Variants in DSCAM observed in about 807,000 individuals in gnomAD.
DSCAM encodes cell adhesion molecule DSCAM.
In DSCAM, 47 loss-of-function variants were observed where a neutral mutation model predicts 217.7. That is an observed-to-expected ratio of 0.22 (90% CI 0.17 to 0.28). DSCAM has a LOEUF of 0.28. DSCAM is among the 10% of genes least tolerant of loss of function. The pLI is 1.00. For synonymous variants in DSCAM, 1,056 were observed against 1,015.3 expected (o/e 1.04, Z -0.76); for missense variants, 2,080 against 2,618.3 (o/e 0.79, Z 4.49).
At chr21:40,268,046 G>A (rs892205569) in intron 11 of DSCAM, among the ~76,000 whole-genome samples, 2 of 152,192 alleles carry the variant, frequency 1.3e-5, no homozygotes, top group Non-Finnish European at 2.9e-5. Flanking sequence ...CTCCACAGAT[G>A]TAACCAATTT....
At chr21:40,254,425 A>T (rs55977825) in intron 11 of DSCAM, among the ~76,000 whole-genome samples, 1 of 152,200 alleles carries the variant, frequency 6.6e-6, no homozygotes, top group Non-Finnish European at 1.5e-5. Context: ...ATGCTCCCCC[A>T]TTCCTCTAAG....
At chr21:40,208,704 T>C (rs941650443) in intron 11 of DSCAM, among the ~76,000 whole-genome samples, 1 of 152,116 alleles carries the variant, frequency 6.6e-6, no homozygotes, top group Non-Finnish European at 1.5e-5. Flanking sequence ...TGCAGAAAGA[T>C]CTCCTGACAT....
intron 28 of DSCAM, 131 bp downstream of exon 28, chr21:40,062,738 T>G: frequency 1.2e-6 from 1 of 812,366 alleles, no homozygotes; most frequent in Non-Finnish European, 1.8e-6. Context: ...TATAGGAAAT[T>G]ACAGTTTTTT....
intron 11 of DSCAM, among the ~76,000 whole-genome samples, chr21:40,201,687 T>C (rs2091071104): frequency 6.6e-6 from 1 of 152,164 alleles, no homozygotes; most frequent in Non-Finnish European, 1.5e-5. Context: ...GTGATCCGCC[T>C]GCTTCGGCCT....
chr21:40,201,727 C>A (rs1355793012), intron 11 of DSCAM, among the ~76,000 whole-genome samples: 1 of 151,986 alleles, frequency 6.6e-6, no homozygotes, highest in Non-Finnish European at 1.5e-5. Flanking sequence ...AAGCATGAGC[C>A]ATTGTACTCA....
chr21:40,077,958 A>G (rs2089391760), intron 26 of DSCAM, among the ~76,000 whole-genome samples: 1 of 152,232 alleles, frequency 6.6e-6, no homozygotes, highest in Non-Finnish European at 1.5e-5. Context: ...GGGACTTTCT[A>G]AAGTTCCCCT....
chr21:40,658,263 A>C (rs2090097605), intron 3 of DSCAM, among the ~76,000 whole-genome samples: 1 of 152,224 alleles, frequency 6.6e-6, no homozygotes, highest in African/African-American at 2.4e-5. Context: ...GCAATTGCAC[A>C]AATGTCACTT....
rs2091966133 is a variant in DSCAM, at chr21:40,826,065, G to A, written c.43+20554C>T. The stretch of plus-strand genomic sequence containing the variant: ...AATGTGGGCTTCCCCAGTTGGGAGA[G>A]ACAGATGATAAACTTCTAAGTATAT... On this transcript the variant is annotated intron_variant, in intron 1 of 32. Transcript: ENST00000400454. Among the ~76,000 whole-genome samples, 3 of 152,294 alleles carry A rather than the reference G, an allele frequency of 2.0e-5. No homozygotes were observed. The South Asian group carries it at 6.2e-4, about 32-fold the overall frequency.
intron 11 of DSCAM, among the ~76,000 whole-genome samples, chr21:40,252,406 G>T (rs1172306782): frequency 6.6e-6 from 1 of 152,038 alleles, no homozygotes; most frequent in African/African-American, 2.4e-5. Flanking sequence ...AAACAGCATT[G>T]TCTCACATGA....
At chr21:40,324,103 C>CAAAAAAAAAAAAAAAAAAAAAAAAAAAA (rs71330393) in intron 8 of DSCAM, among the ~76,000 whole-genome samples, 1 of 27,934 alleles carries the variant, frequency 3.6e-5, no homozygotes, top group Non-Finnish European at 6.0e-5. Context: ...AACTCTGTCT[C>CAAAAAAAAAAAAAAAAAAAAAAAAAAAA]AAAAAAAAAA....
intron 21 of DSCAM, among the ~76,000 whole-genome samples, chr21:40,088,462 C>T (rs1393927721): frequency 5.9e-5 from 9 of 152,170 alleles, no homozygotes; most frequent in Admixed American, 5.9e-4. Flanking sequence ...TAGGATCTAC[C>T]AGACCAAATC....
At chr21:40,274,385 C>T (rs1385184729) in intron 11 of DSCAM, among the ~76,000 whole-genome samples, 1 of 152,182 alleles carries the variant, frequency 6.6e-6, no homozygotes, top group African/African-American at 2.4e-5. Flanking sequence ...GGTTATCTCC[C>T]CTTCCAAAAC....
At chr21:40,843,363 C>T (rs1194151243) in intron 1 of DSCAM, among the ~76,000 whole-genome samples, 4 of 125,302 alleles carry the variant, frequency 3.2e-5, no homozygotes, top group African/African-American at 1.4e-4. Context: ...GTCAGGAATG[C>T]ATGCATGTGT....
intron 11 of DSCAM, among the ~76,000 whole-genome samples, chr21:40,255,178 T>C (rs1037375092): frequency 2.6e-5 from 4 of 152,158 alleles, no homozygotes; most frequent in Admixed American, 2.6e-4. Context: ...CCTTTAACCA[T>C]TGAGTACCTG....
chr21:40,414,827 C>A (rs189385216), intron 3 of DSCAM, among the ~76,000 whole-genome samples: 2 of 152,072 alleles, frequency 1.3e-5, no homozygotes, highest in Non-Finnish European at 2.9e-5. Flanking sequence ...GTCATCAGGT[C>A]TAAAAGCTAA....
At chr21:40,686,080 G>GT (rs1358441176) in intron 3 of DSCAM, among the ~76,000 whole-genome samples, 2 of 151,950 alleles carry the variant, frequency 1.3e-5, no homozygotes, top group Non-Finnish European at 2.9e-5. Context: ...GTGACTGAGT[G>GT]GCCCAACAAA....
chr21:40,590,748 A>G (rs553734389), intron 3 of DSCAM, among the ~76,000 whole-genome samples: 1 of 152,300 alleles, frequency 6.6e-6, no homozygotes, highest in African/African-American at 2.4e-5. Context: ...AAAGTCCTGT[A>G]CCAATATTAT....
intron 15 of DSCAM, among the ~76,000 whole-genome samples, chr21:40,169,409 C>T (rs542781617): frequency 5.3e-5 from 8 of 152,044 alleles, no homozygotes; most frequent in Admixed American, 6.6e-5. Context: ...AAGGGTGCAC[C>T]CTGTGTCTTA....
chr21:40,834,063 T>C (rs1454460665), intron 1 of DSCAM, among the ~76,000 whole-genome samples: 1 of 152,156 alleles, frequency 6.6e-6, no homozygotes, highest in Non-Finnish European at 1.5e-5. Context: ...GCTTGTCCGG[T>C]GCATACTTCT....
Sources: gnomAD v4.1 joint callset for allele counts (sites outside exome capture counted in the v4.1 genomes callset) on GRCh38, gnomAD v4.1.1 for gene constraint, MANE v1.5 for transcripts, NCBI Gene and HGNC (gene_info 2026-07-23, HGNC 2026-07-21) for gene names.